Variants in EMC3 observed in about 807,000 individuals in gnomAD.
EMC3 encodes the protein 30 kDa protein.
EMC3 carries 13 observed loss-of-function variants against 36.6 expected under a neutral mutation model. The observed-to-expected ratio is 0.35, with a 90% CI of 0.23 to 0.56. The LOEUF (loss-of-function observed/expected upper bound fraction) is 0.56. Ranked by LOEUF, EMC3 falls within the 20% of genes least tolerant of loss-of-function variation. The probability of loss-of-function intolerance (pLI) is 0.84; values close to 1 mark genes in which losing one functional copy is unlikely to be tolerated. For synonymous variants in EMC3, 120 were observed against 111.9 expected (o/e 1.07, Z -0.46); for missense variants, 220 against 324.5 (o/e 0.68, Z 2.47).
intron 1 of EMC3, among the ~76,000 whole-genome samples, chr3:9,985,130 A>G (rs1201575381): frequency 3.3e-5 from 5 of 152,232 alleles, no homozygotes; most frequent in African/African-American, 1.2e-4. Context: ...CGCTTGTATC[A>G]TTACATATTT....
intron 1 of EMC3, among the ~76,000 whole-genome samples, chr3:9,993,848 C>T (rs1412392444): frequency 2.0e-5 from 3 of 152,092 alleles, no homozygotes; most frequent in African/African-American, 2.4e-5. Context: ...CAAGGTGGAA[C>T]ATCCCTGGGG....
chr3:9,986,877 T>C (rs2085980833), upstream of EMC3: 8 of 1,356,500 alleles, frequency 5.9e-6, no homozygotes, highest in South Asian at 1.2e-4. Flanking sequence ...GTGGCGCACC[T>C]CAGTGGCGTC....
intron 1 of EMC3, among the ~76,000 whole-genome samples, chr3:10,008,040 C>T (rs889715890): frequency 6.6e-5 from 10 of 152,124 alleles, no homozygotes; most frequent in African/African-American, 2.2e-4. Context: ...ATGAAGGTCC[C>T]TCAGGTGTCA....
At chr3:9,971,641 G>A (rs1256521573) in intron 5 of EMC3, among the ~76,000 whole-genome samples, 3 of 152,166 alleles carry the variant, frequency 2.0e-5, no homozygotes, top group Admixed American at 6.5e-5. Flanking sequence ...AGATAAATAA[G>A]CTTTTCTCCA....
intron 1 of EMC3, among the ~76,000 whole-genome samples, chr3:9,977,722 T>C (rs1381454554): frequency 1.3e-5 from 2 of 152,204 alleles, no homozygotes; most frequent in Non-Finnish European, 2.9e-5. Flanking sequence ...ACTCAGCTTT[T>C]TCTTATTTGA....
intron 1 of EMC3, chr3:10,008,576 G>T: frequency 2.7e-6 from 2 of 728,824 alleles, no homozygotes; most frequent in Admixed American, 2.3e-5. Context: ...GTCAGATAGT[G>T]GGGGGTGGGT....
At chr3:9,989,814 T>G (rs1446360071), upstream of EMC3, among the ~76,000 whole-genome samples, 1 of 152,154 alleles carries the variant, frequency 6.6e-6, no homozygotes, top group Non-Finnish European at 1.5e-5. Context: ...TTCTTCTCCA[T>G]GTGCTTCTGC....
chr3:9,986,872 G>T, upstream of EMC3: 3 of 1,369,300 alleles, frequency 2.2e-6, no homozygotes, highest in Admixed American at 3.1e-5. Flanking sequence ...ACGTCGTGGC[G>T]CACCTCAGTG....
chr3:9,993,863 G>T (rs1211209832), intron 1 of EMC3, among the ~76,000 whole-genome samples: 1 of 152,204 alleles, frequency 6.6e-6, no homozygotes, highest in African/African-American at 2.4e-5. Context: ...CTGGGGGGTC[G>T]TGTGATTGCA....
upstream of EMC3, among the ~76,000 whole-genome samples, chr3:9,989,653 G>C (rs922542366): frequency 6.6e-6 from 1 of 152,158 alleles, no homozygotes; most frequent in Non-Finnish European, 1.5e-5. Context: ...ATAACTTTTT[G>C]TGGTGAGAAA....
chr3:9,969,554 A>T, intron 7 of EMC3, 165 bp downstream of exon 7: 1 of 1,510,082 alleles, frequency 6.6e-7, no homozygotes, highest in Non-Finnish European at 8.8e-7. Context: ...TACTTAATAG[A>T]TGATTCTGTC....
chr3:10,003,043 C>G (rs1041172466), intron 1 of EMC3: 8 of 456,002 alleles, frequency 1.8e-5, no homozygotes, highest in Non-Finnish European at 2.6e-5. Context: ...CCAGGCTCAA[C>G]AAGCCGCCCA....
chr3:10,009,014 G>A (rs2086295037), intron 1 of EMC3: 3 of 155,226 alleles, frequency 1.9e-5, no homozygotes, highest in Admixed American at 1.3e-4. Flanking sequence ...GGGAAGACTG[G>A]TGGGACTATC....
At chr3:9,975,028 T>G (rs187706137) in intron 3 of EMC3, among the ~76,000 whole-genome samples, 19 of 151,856 alleles carry the variant, frequency 1.3e-4, no homozygotes, top group African/African-American at 4.3e-4. Context: ...GCCCAGCTAA[T>G]TTTTGTATTT....
intron 1 of EMC3, among the ~76,000 whole-genome samples, chr3:9,983,784 C>A (rs1454583444): frequency 6.6e-6 from 1 of 152,098 alleles, no homozygotes; most frequent in East Asian, 1.9e-4. Flanking sequence ...TAATAGTGAA[C>A]CATGGGCAGA....
intron 3 of EMC3, among the ~76,000 whole-genome samples, chr3:9,976,505 G>A (rs2085851792): frequency 1.3e-5 from 2 of 152,256 alleles, no homozygotes; most frequent in Non-Finnish European, 2.9e-5. Flanking sequence ...AAACAATCAC[G>A]TCTAACAACA....
chr3:10,007,377 C>T (rs768001512), intron 1 of EMC3: 1 of 1,364,038 alleles, frequency 7.3e-7, no homozygotes, highest in Non-Finnish European at 9.8e-7. Flanking sequence ...GATCCTGAAG[C>T]CCTGGGAACC....
intron 7 of EMC3, chr3:9,968,624 T>C (rs13063929): frequency 0.22 from 33,237 of 152,052 alleles, 4,198 homozygotes; most frequent in African/African-American, 0.35. Flanking sequence ...GTCATAGATG[T>C]CCTTTATCAG....
At chr3:9,988,819 C>T (rs1259689620), upstream of EMC3, 1 of 970,204 alleles carries the variant, frequency 1.0e-6, no homozygotes, top group Non-Finnish European at 1.6e-6. Context: ...CTTGCCTTCC[C>T]ACTGTCTTTC....
Sources: gnomAD v4.1 joint callset for allele counts (sites outside exome capture counted in the v4.1 genomes callset) on GRCh38, gnomAD v4.1.1 for gene constraint, MANE v1.5 for transcripts, NCBI Gene and HGNC (gene_info 2026-07-23, HGNC 2026-07-21) for gene names.